Variants in ZC3H12B observed in about 807,000 individuals in gnomAD.
The protein encoded by ZC3H12B is zinc finger CCCH-type containing 12B.
In ZC3H12B, 7 loss-of-function variants were observed where a neutral mutation model predicts 43.9. The ratio of observed to expected loss-of-function variants is 0.16; its 90% CI spans 0.09 to 0.30. ZC3H12B has a LOEUF of 0.30. ZC3H12B is among the 10% of genes least tolerant of loss of function. ZC3H12B has a pLI of 1.00. For missense variants in ZC3H12B, 475 were observed against 670.2 expected (o/e 0.71, Z 3.22); for synonymous variants, 222 against 241.7 (o/e 0.92, Z 0.76).
Position 65,380,398 on chromosome X carries a change from A to G in ZC3H12B, n.295+11400A>G, listed in dbSNP as rs765536406. Among the ~76,000 whole-genome samples the G allele has an allele frequency of 3.6e-5, 4 of 111,536 alleles. No individual in the cohort carries two copies. In the East Asian group the frequency reaches 1.1e-3, roughly 31 times the overall value. On this transcript the variant is annotated intron_variant and non_coding_transcript_variant, in intron 2 of 5. Transcript: ENST00000617377. ...GGAGAAATAAAATACTTTACAGACA[A>G]GCAAATGCTGAGATATGTTCTCACC...
At chrX:65,148,020 G>A in the ZC3H12B span, among the ~76,000 whole-genome samples, 1 of 110,620 alleles carries the variant, frequency 9.0e-6, no homozygotes, top group African/African-American at 3.3e-5. Context: ...CTGGAGGCTG[G>A]TCAAGCACTG....
chrX:65,220,965 A>G, the ZC3H12B span, among the ~76,000 whole-genome samples: 2 of 111,888 alleles, frequency 1.8e-5, no homozygotes, highest in African/African-American at 6.5e-5. Flanking sequence ...AACAAGTTTC[A>G]GTACATTTAA....
the ZC3H12B span, among the ~76,000 whole-genome samples, chrX:65,256,503 T>G: frequency 1.3e-4 from 15 of 111,820 alleles, 1 homozygote; most frequent in Admixed American, 1.3e-3. Flanking sequence ...GGAACAAAGA[T>G]ACAACATACC....
the ZC3H12B span, among the ~76,000 whole-genome samples, chrX:65,279,890 C>T: frequency 8.9e-6 from 1 of 111,918 alleles, no homozygotes; most frequent in African/African-American, 3.2e-5. Context: ...AAACAAACAA[C>T]CCCAATAAAA....
At chrX:65,492,882 G>C (rs984190678) in intron 1 of ZC3H12B, among the ~76,000 whole-genome samples, 2 of 111,668 alleles carry the variant, frequency 1.8e-5, no homozygotes, top group African/African-American at 6.5e-5. Context: ...CAGGCAGACT[G>C]CTTGAGCCCA....
At chrX:65,363,305 C>T (rs1223799606), upstream of ZC3H12B, among the ~76,000 whole-genome samples, 1 of 111,239 alleles carries the variant, frequency 9.0e-6, no homozygotes, top group African/African-American at 3.3e-5. Context: ...CCATCCGTTA[C>T]CTACCTCGGC....
At chrX:65,192,956 T>C in the ZC3H12B span, among the ~76,000 whole-genome samples, 2 of 110,679 alleles carry the variant, frequency 1.8e-5, no homozygotes, top group South Asian at 7.7e-4. Flanking sequence ...GTATTTTTAG[T>C]AGAGACAAGG....
chrX:65,364,374 T>G (rs191426220), upstream of ZC3H12B, among the ~76,000 whole-genome samples: 75 of 107,367 alleles, frequency 7.0e-4, no homozygotes, highest in African/African-American at 2.4e-3. Flanking sequence ...TTAGTATCTC[T>G]TTAATAAAAA....
the ZC3H12B span, among the ~76,000 whole-genome samples, chrX:65,038,466 A>T: frequency 8.9e-6 from 1 of 111,863 alleles, no homozygotes; most frequent in Non-Finnish European, 1.9e-5. Flanking sequence ...CTGGAAATTA[A>T]CCAGTTAACA....
chrX:65,329,901 G>A, the ZC3H12B span, among the ~76,000 whole-genome samples: 3 of 110,957 alleles, frequency 2.7e-5, no homozygotes, highest in Non-Finnish European at 5.7e-5. Flanking sequence ...CTGTTCCATT[G>A]GTCTATATCT....
chrX:65,211,988 TA>T, the ZC3H12B span, among the ~76,000 whole-genome samples: 5 of 68,910 alleles, frequency 7.3e-5, no homozygotes, highest in African/African-American at 3.1e-4. Flanking sequence ...ATATAATATA[TA>T]ATATATGTTA....
intron 3 of ZC3H12B, among the ~76,000 whole-genome samples, chrX:65,424,173 A>G (rs772653144): frequency 2.7e-5 from 3 of 111,894 alleles, no homozygotes; most frequent in Admixed American, 9.5e-5. Flanking sequence ...CTAATGTGAG[A>G]TGGTATCTCA....
At position 65,466,915 on chromosome X, in the gene ZC3H12B, AATATATATATATATAT is replaced by A. The variant is rs58150008; in HGVS notation, n.408-21696_408-21681del. ...ATATGTAACTATATATATAAAACCA[AATATATATATATATAT>A]ATATATATATATATATATATATATA... On this transcript the variant is annotated intron_variant and non_coding_transcript_variant, in intron 3 of 5. Transcript: ENST00000617377. 6.1e-3 allele frequency among the ~76,000 whole-genome samples: 146 copies of A among 23,932 alleles called. 5 individuals carry two copies. Among genetic ancestry groups the A allele is most frequent in the South Asian group, 0.044 (8 of 180 alleles). 20.8% of individuals were successfully genotyped at this position (23,932 alleles called of 115,157 possible).
At chrX:65,046,462 C>CT in the ZC3H12B span, among the ~76,000 whole-genome samples, 3 of 111,757 alleles carry the variant, frequency 2.7e-5, no homozygotes, top group South Asian at 3.7e-4. Flanking sequence ...TAGCTTCCAA[C>CT]TTTTTTTCTG....
At chrX:65,063,345 A>G in the ZC3H12B span, among the ~76,000 whole-genome samples, 3 of 111,653 alleles carry the variant, frequency 2.7e-5, no homozygotes, top group African/African-American at 6.5e-5. Flanking sequence ...ATCAGTGCCT[A>G]GTTTATTGAG....
At chrX:65,467,778 G>A (rs926017858) in intron 3 of ZC3H12B, among the ~76,000 whole-genome samples, 1 of 111,886 alleles carries the variant, frequency 8.9e-6, no homozygotes. Context: ...CATATCACTT[G>A]CCCACTTTTT....
chrX:65,134,883 G>A, the ZC3H12B span, among the ~76,000 whole-genome samples: 1 of 111,249 alleles, frequency 9.0e-6, no homozygotes, highest in Non-Finnish European at 1.9e-5. Flanking sequence ...ACAGTCAAAG[G>A]GGTTGTTCTC....
the ZC3H12B span, among the ~76,000 whole-genome samples, chrX:65,152,261 G>T: frequency 2.7e-5 from 3 of 111,475 alleles, no homozygotes; most frequent in Non-Finnish European, 3.8e-5. Flanking sequence ...GAAATAAAGG[G>T]TATTCAACTA....
At chrX:65,167,259 A>G in the ZC3H12B span, among the ~76,000 whole-genome samples, 3 of 112,015 alleles carry the variant, frequency 2.7e-5, no homozygotes, top group African/African-American at 9.7e-5. Context: ...CTTTCTACAT[A>G]TGGCTAGCCA....
Sources: allele counts gnomAD v4.1 joint callset (sites outside exome capture counted in the v4.1 genomes callset), GRCh38; gene constraint gnomAD v4.1.1; transcripts MANE v1.5; gene names NCBI Gene and HGNC (gene_info 2026-07-23, HGNC 2026-07-21).